Variants in ZMYND8 observed in about 807,000 individuals in gnomAD.
ZMYND8 encodes MYND-type zinc finger-containing chromatin reader ZMYND8.
A neutral mutation model predicts 140.8 loss-of-function variants in ZMYND8; 37 were observed. The observed-to-expected ratio is 0.26, with a 90% CI of 0.20 to 0.35. ZMYND8 has a LOEUF of 0.35. ZMYND8 is among the 10% of genes least tolerant of loss of function. The probability of loss-of-function intolerance (pLI) is 1.00; values close to 1 mark genes in which losing one functional copy is unlikely to be tolerated. For synonymous variants in ZMYND8, 592 were observed against 597.1 expected (o/e 0.99, Z 0.12); for missense variants, 1,068 against 1,570.0 (o/e 0.68, Z 5.40).
intron 3 of ZMYND8, among the ~76,000 whole-genome samples, chr20:47,306,032 A>T (rs1221080612): frequency 2.0e-5 from 3 of 152,196 alleles, no homozygotes; most frequent in Non-Finnish European, 4.4e-5. Context: ...AAGGTCTTTT[A>T]AAAATGCATG....
At chr20:47,245,701 A>C (rs2040483869) in intron 14 of ZMYND8, among the ~76,000 whole-genome samples, 2 of 152,260 alleles carry the variant, frequency 1.3e-5, no homozygotes, top group Non-Finnish European at 2.9e-5. Flanking sequence ...CAGACTAAAA[A>C]TGACTTGGTC....
intron 7 of ZMYND8, among the ~76,000 whole-genome samples, chr20:47,288,546 A>C (rs569233258): frequency 2.4e-4 from 36 of 152,128 alleles, no homozygotes; most frequent in African/African-American, 7.9e-4. Context: ...GGCATGCGCC[A>C]CCACACCCAA....
At chr20:47,356,330 AAAG>A in intron 1 of ZMYND8, 1 of 1,411,418 alleles carries the variant, frequency 7.1e-7, no homozygotes, top group Non-Finnish European at 9.3e-7. Flanking sequence ...GGGAAGAGGG[AAAG>A]AAAAAAAAAA....
chr20:47,262,255 C>T (rs1480383898), intron 12 of ZMYND8, 33 bp downstream of exon 12: 1 of 1,613,686 alleles, frequency 6.2e-7, no homozygotes, highest in East Asian at 2.2e-5. Context: ...CCACAGTTGC[C>T]ACAGAAAGAT....
At chr20:47,227,982 A>G (rs2037932856) in intron 17 of ZMYND8, among the ~76,000 whole-genome samples, 1 of 152,058 alleles carries the variant, frequency 6.6e-6, no homozygotes, top group South Asian at 2.1e-4. Context: ...AATCCCAGCT[A>G]CTTGGGATGC....
intron 21 of ZMYND8, among the ~76,000 whole-genome samples, chr20:47,216,370 C>A (rs753005160): frequency 5.3e-5 from 8 of 151,456 alleles, no homozygotes; most frequent in Non-Finnish European, 1.2e-4. Context: ...TGATGCACAC[C>A]TGTAATCCCA....
intron 1 of ZMYND8, chr20:47,354,400 GATATGTAATTTCC>G (rs369295998): frequency 3.9e-5 from 6 of 152,188 alleles, no homozygotes; most frequent in African/African-American, 1.2e-4. Context: ...CAAGAACCTC[GATATGTAATTTCC>G]ATTTACAGCA....
chr20:47,246,527 A>G lies in ZMYND8; in HGVS notation c.1775-10T>C, dbSNP rs1264068285. ...GAGATTTCATTTATGCCTAAATTCA[A>G]AAAGAAAACCCAGCATGTGGCGTAG... On this transcript the variant is annotated splice_polypyrimidine_tract_variant and intron_variant, in intron 13 of 22. Coordinates refer to ENST00000471951, the MANE Select transcript of ZMYND8 (RefSeq NM_001281775.3). The G allele has an allele frequency of 1.9e-6, 3 of 1,558,156 alleles. No individual in the cohort carries two copies. Among genetic ancestry groups the G allele is most frequent in the Non-Finnish European group, 2.6e-6 (3 of 1,156,972 alleles).
At chr20:47,299,909 AAT>A (rs1484785963) in intron 3 of ZMYND8, among the ~76,000 whole-genome samples, 2 of 152,166 alleles carry the variant, frequency 1.3e-5, no homozygotes, top group African/African-American at 4.8e-5. Flanking sequence ...GTTTACCCCC[AAT>A]ACATAAAGCA....
intron 2 of ZMYND8, among the ~76,000 whole-genome samples, chr20:47,341,916 T>C (rs1327003948): frequency 2.0e-5 from 3 of 151,680 alleles, no homozygotes; most frequent in Non-Finnish European, 4.4e-5. Flanking sequence ...GGCAGGAGAA[T>C]GGCGTGAACC....
At chr20:47,330,874 G>T (rs941772517) in intron 2 of ZMYND8, among the ~76,000 whole-genome samples, 8 of 152,204 alleles carry the variant, frequency 5.3e-5, no homozygotes, top group Non-Finnish European at 1.2e-4. Flanking sequence ...ACCAGCAGCA[G>T]GCAAGGTGGT....
chr20:47,293,104 G>A (rs930150122), intron 5 of ZMYND8, among the ~76,000 whole-genome samples: 2 of 108,440 alleles, frequency 1.8e-5, no homozygotes, highest in African/African-American at 8.2e-5. Context: ...AGGGAGGGAC[G>A]AGGAAAGAAG....
intron 10 of ZMYND8, 87 bp downstream of exon 10, chr20:47,282,015 G>A (rs1473158600): frequency 4.7e-6 from 5 of 1,064,056 alleles, no homozygotes; most frequent in Non-Finnish European, 6.9e-6. Context: ...GAGAATAATA[G>A]CTGCAGCCTC....
chr20:47,213,088 T>C (rs1294009561), intron 21 of ZMYND8, among the ~76,000 whole-genome samples: 1 of 152,128 alleles, frequency 6.6e-6, no homozygotes, highest in Non-Finnish European at 1.5e-5. Flanking sequence ...GTGCTAAGGT[T>C]GAAGGCAGCA....
At chr20:47,356,259 G>T in intron 1 of ZMYND8, 1 of 937,670 alleles carries the variant, frequency 1.1e-6, no homozygotes, top group Non-Finnish European at 1.3e-6. Flanking sequence ...CAAAAGAGAA[G>T]ACAATAGTGC....
intron 14 of ZMYND8, among the ~76,000 whole-genome samples, chr20:47,241,059 G>C (rs57114603): frequency 0.021 from 3,130 of 151,860 alleles, 62 homozygotes; most frequent in African/African-American, 0.054. Context: ...ACTTTGGGAG[G>C]CCGAGGCGGG....
intron 5 of ZMYND8, among the ~76,000 whole-genome samples, chr20:47,293,148 AAGGGAGGGAGGGAGGGAGGGAGGG>A (rs768627350): frequency 0.11 from 8,990 of 82,710 alleles, 711 homozygotes; most frequent in Middle Eastern, 0.14. Flanking sequence ...GGAAGGAAGG[AAGGGAGGGAGGGAGGGAGGGAGGG>A]AGGGAGGGAG....
At chr20:47,222,750 A>G (rs2037166072) in intron 19 of ZMYND8, among the ~76,000 whole-genome samples, 1 of 152,254 alleles carries the variant, frequency 6.6e-6, no homozygotes, top group Non-Finnish European at 1.5e-5. Context: ...ACATCTCCCT[A>G]AAGACTAAAG....
At position 47,212,221 on chromosome 20, in the gene ZMYND8, G is replaced by A. The variant is rs547798713; in HGVS notation, c.3568+421C>T. Among the ~76,000 whole-genome samples the A allele has an allele frequency of 6.6e-5, 10 of 152,266 alleles. No individual in the cohort carries two copies. The South Asian group carries it at 1.0e-3, about 16-fold the overall frequency. On this transcript the variant is annotated intron_variant, in intron 22 of 22. Transcript: ENST00000471951. ...TCTGGTGAGGGCAGAGACCACCAGC[G>A]GGTACTGGAAGAAATGGGACCAGGG...
Sources: gnomAD v4.1 joint callset for allele counts (sites outside exome capture counted in the v4.1 genomes callset) on GRCh38, gnomAD v4.1.1 for gene constraint, MANE v1.5 for transcripts, NCBI Gene and HGNC (gene_info 2026-07-23, HGNC 2026-07-21) for gene names.